Variants in MATN2 observed in about 807,000 individuals in gnomAD.
MATN2 encodes the protein matrilin-2.
A neutral mutation model predicts 103.2 loss-of-function variants in MATN2; 69 were observed. That is an observed-to-expected ratio of 0.67 (90% CI 0.55 to 0.82). The LOEUF is 0.82. MATN2 is among the 40% of genes least tolerant of loss of function. MATN2 has a pLI of 0.00. For missense variants in MATN2, 1,023 were observed against 1,211.5 expected (o/e 0.84, Z 2.31); for synonymous variants, 429 against 450.2 (o/e 0.95, Z 0.60).
chr8:97,912,365 C>A (rs1460709830), intron 2 of MATN2, among the ~76,000 whole-genome samples: 3 of 152,218 alleles, frequency 2.0e-5, no homozygotes, highest in Non-Finnish European at 4.4e-5. Context: ...TCCATAGCAA[C>A]CCTAACATAG....
At chr8:97,957,397 T>G (rs897977257) in intron 4 of MATN2, among the ~76,000 whole-genome samples, 1 of 152,250 alleles carries the variant, frequency 6.6e-6, no homozygotes, top group Non-Finnish European at 1.5e-5. Context: ...CAAAGTTGTT[T>G]TGTCAGAACC....
intron 2 of MATN2, among the ~76,000 whole-genome samples, chr8:97,893,885 C>T (rs1563650666): frequency 6.6e-6 from 1 of 152,206 alleles, no homozygotes; most frequent in Non-Finnish European, 1.5e-5. Context: ...AACTACTCTA[C>T]AGTCAGCCAG....
At chr8:97,949,134 T>C (rs1810854186) in intron 4 of MATN2, among the ~76,000 whole-genome samples, 1 of 151,410 alleles carries the variant, frequency 6.6e-6, no homozygotes, top group South Asian at 2.1e-4. Flanking sequence ...CTCAATGTTA[T>C]CAGACAGGAG....
At chr8:97,924,743 A>G (rs1366285953) in intron 2 of MATN2, among the ~76,000 whole-genome samples, 1 of 145,992 alleles carries the variant, frequency 6.8e-6, no homozygotes, top group South Asian at 2.2e-4. Flanking sequence ...TTTTTTCAGC[A>G]CTTGGCAGGA....
chr8:97,978,944 T>C lies in MATN2; in HGVS notation c.1017T>C (p.Asp339=), dbSNP rs1478746024. Residue 339 remains aspartate (D), a synonymous_variant, in exon 6 of 19, where the codon GAT becomes GAC. Coordinates refer to ENST00000254898, the MANE Select transcript of MATN2 (RefSeq NM_002380.5). ...GTGAACATGAGTGTGTAAATGCTGA[T>C]GGCTCCTACCTTTGCCAGTGCCATG... is the stretch of plus-strand genomic sequence containing the variant. ...HGCEHECVNA[D]GSYLCQCHEG... is the part of the protein sequence containing the mutation. 2 of 1,613,834 alleles carry C rather than the reference T, an allele frequency of 1.2e-6. No individual in the cohort carries two copies. The highest frequency in any genetic ancestry group is 1.7e-6 in the Non-Finnish European group (2 of 1,179,698).
chr8:97,992,884 C>T (rs769382405), intron 6 of MATN2, among the ~76,000 whole-genome samples: 5 of 151,086 alleles, frequency 3.3e-5, no homozygotes, highest in South Asian at 2.1e-4. Context: ...TGCGACATTG[C>T]GCTTCAGCCT....
chr8:98,003,771 A>G lies in MATN2; in HGVS notation c.1315A>G (p.Lys439Glu). ...TGGCTACACTCTGGACCCCAATGGC[A>G]AAACCTGCAGCCGTGAGTGTACCCT... ...HRGYTLDPNG[K>E]TCSRVDHCAQ... Residue 439 changes from lysine to glutamate, a missense_variant, in exon 8 of 19, where the codon AAA (lysine) becomes GAA (glutamate). Transcript: ENST00000254898. 1 of 1,613,860 alleles carries G rather than the reference A, an allele frequency of 6.2e-7. No homozygotes were observed. Among genetic ancestry groups the G allele is most frequent in the Non-Finnish European group, 8.5e-7 (1 of 1,179,784 alleles).
chr8:98,026,626 A>G (rs1813818221), intron 13 of MATN2, among the ~76,000 whole-genome samples: 1 of 152,152 alleles, frequency 6.6e-6, no homozygotes, highest in Non-Finnish European at 1.5e-5. Flanking sequence ...ACATCACCTC[A>G]TTCACTTAGT....
intron 2 of MATN2, among the ~76,000 whole-genome samples, chr8:97,912,934 C>T (rs911813712): frequency 3.3e-5 from 5 of 152,088 alleles, no homozygotes; most frequent in Non-Finnish European, 4.4e-5. Flanking sequence ...ACGGGGAATT[C>T]GGTTATATAG....
intron 1 of MATN2, among the ~76,000 whole-genome samples, chr8:97,871,536 G>A (rs998372433): frequency 1.3e-5 from 2 of 152,344 alleles, no homozygotes; most frequent in East Asian, 3.9e-4. Context: ...CCCTTCCAGG[G>A]ATTCCCCGTC....
intron 2 of MATN2, among the ~76,000 whole-genome samples, chr8:97,930,743 C>T (rs1319313035): frequency 1.3e-5 from 2 of 152,138 alleles, no homozygotes; most frequent in Non-Finnish European, 2.9e-5. Context: ...CTACCTCAGC[C>T]TCTCGAGTAG....
chr8:97,952,788 T>C lies in MATN2; in HGVS notation c.836-8620T>C, dbSNP rs151012149. The stretch of plus-strand genomic sequence containing the variant: ...AAGGTGTATCTCAAATTTGGCCAGG[T>C]CTTTTTGTTATGAAATTCCAAATTA... On this transcript the variant is annotated intron_variant, in intron 4 of 18. Transcript: ENST00000254898. Among the ~76,000 whole-genome samples, 1,149 of 152,300 alleles carry C rather than the reference T, an allele frequency of 7.5e-3. 10 individuals carry two copies. The highest frequency in any genetic ancestry group is 0.024 in the Middle Eastern group (7 of 294).
In MATN2 at chr8:98,016,569, G is replaced by A. The variant is rs759854222; in HGVS notation, c.1603G>A (p.Gly535Ser). 7.5e-6 allele frequency: 12 copies of A among 1,610,718 alleles called. No individual in the cohort carries two copies. The highest frequency in any genetic ancestry group is 1.1e-5 in the South Asian group (1 of 90,368). ...GGACTCTTGTGCTCTGGGGGACCAC[G>A]GTTGTGAACATTCGTGTGTAAGCAG... ...KLDSCALGDH[G>S]CEHSCVSSED... Residue 535 changes from glycine to serine, a missense_variant, in exon 11 of 19, where the codon GGT becomes AGT. Gly to Ser is a moderately conservative substitution (Grantham distance 56, BLOSUM62 0). Coordinates refer to ENST00000254898, the MANE Select transcript of MATN2 (RefSeq NM_002380.5).
At chr8:97,950,760 G>A (rs1301994498) in intron 4 of MATN2, 1 of 152,228 alleles carries the variant, frequency 6.6e-6, no homozygotes, top group African/African-American at 2.4e-5. Flanking sequence ...GGTGGGTTCA[G>A]AGTAATTAAG....
At chr8:97,897,043 G>A (rs1038173878) in intron 2 of MATN2, among the ~76,000 whole-genome samples, 7 of 152,070 alleles carry the variant, frequency 4.6e-5, no homozygotes, top group Admixed American at 2.0e-4. Flanking sequence ...CAATATGGCC[G>A]GGCTGGGCAG....
At chr8:97,873,486 C>G (rs938975922) in intron 1 of MATN2, among the ~76,000 whole-genome samples, 13 of 152,108 alleles carry the variant, frequency 8.5e-5, no homozygotes, top group Admixed American at 6.5e-4. Flanking sequence ...GTTGCAACAC[C>G]ATGCCCTGCT....
intron 1 of MATN2, among the ~76,000 whole-genome samples, chr8:97,882,950 A>C (rs1818300619): frequency 6.6e-6 from 1 of 152,080 alleles, no homozygotes; most frequent in Non-Finnish European, 1.5e-5. Context: ...TGATGTGACT[A>C]TTCAAATCTT....
intron 3 of MATN2, 85 bp from the exon 4 acceptor site, chr8:97,941,692 T>G: frequency 1.4e-6 from 2 of 1,447,378 alleles, no homozygotes; most frequent in Non-Finnish European, 1.9e-6. Flanking sequence ...GAGGAGAGAG[T>G]AGGCACTGAA....
intron 4 of MATN2, chr8:97,951,013 G>C (rs1185828210): frequency 6.6e-6 from 1 of 152,302 alleles, no homozygotes; most frequent in East Asian, 1.9e-4. Flanking sequence ...ACAGTCAGAG[G>C]GTGGGTCAAA....
Sources: allele counts gnomAD v4.1 joint callset (sites outside exome capture counted in the v4.1 genomes callset), GRCh38; gene constraint gnomAD v4.1.1; transcripts MANE v1.5; gene names NCBI Gene and HGNC (gene_info 2026-07-23, HGNC 2026-07-21).